DLGAP2: variants seen among roughly 807,000 people sequenced by gnomAD.
DLGAP2 encodes disks large-associated protein 2.
A neutral mutation model predicts 100.3 loss-of-function variants in DLGAP2; 26 were observed. The observed-to-expected ratio is 0.26, with a 90% confidence interval of 0.19 to 0.36. DLGAP2 has a LOEUF of 0.36. Ranked by LOEUF, DLGAP2 falls within the 10% of genes least tolerant of loss-of-function variation. The pLI, the probability that DLGAP2 is intolerant of heterozygous loss-of-function variation, is 1.00. For synonymous variants in DLGAP2, 886 were observed against 630.1 expected, an observed-to-expected ratio of 1.41 and a Z score of -6.08; for missense variants, 1,858 against 1,453.2, an observed-to-expected ratio of 1.28 and a Z score of -4.53.
chr8:1,549,322 G>C lies in DLGAP2; in HGVS notation c.869G>C (p.Arg290Pro). ...SKERKPEGKPRPGMSSWWSSD... is the reference protein window; with the variant it reads ...SKERKPEGKPPPGMSSWWSSD... ...GAGCGCAAGCCGGAGGGCAAGCCCC[G>C]GCCCGGCATGAGCAGCTGGTGGAGC... The change falls in exon 5 of 15, where the codon CGG (arginine) becomes CCG (proline). Residue 290 changes from arginine to proline, a missense_variant. Arg to Pro is a moderately radical substitution (Grantham distance 103). Transcript: ENST00000637795. The C allele has an allele frequency of 6.2e-7, 1 of 1,613,008 alleles. No homozygotes were observed. Among genetic ancestry groups the C allele is most frequent in the Non-Finnish European group, 8.5e-7 (1 of 1,179,684 alleles).
At chr8:1,524,797 G>A (rs1800734661) in intron 4 of DLGAP2, among the ~76,000 whole-genome samples, 1 of 152,106 alleles carries the variant, frequency 6.6e-6, no homozygotes, top group African/African-American at 2.4e-5. Context: ...GGCTTTCTGT[G>A]AACATCTCAG....
At chr8:756,013 T>C (rs1820910217) in intron 1 of DLGAP2, among the ~76,000 whole-genome samples, 1 of 152,210 alleles carries the variant, frequency 6.6e-6, no homozygotes. Flanking sequence ...GGGTCCTGTT[T>C]TAGGTTATAA....
chr8:998,788 C>T (rs1442102221), intron 2 of DLGAP2, among the ~76,000 whole-genome samples: 1 of 152,144 alleles, frequency 6.6e-6, no homozygotes, highest in Non-Finnish European at 1.5e-5. Flanking sequence ...TTCCTTGGAG[C>T]TTGAATATAC....
intron 3 of DLGAP2, among the ~76,000 whole-genome samples, chr8:1,343,792 G>A (rs942319051): frequency 7.2e-5 from 11 of 152,202 alleles, no homozygotes; most frequent in South Asian, 2.1e-4. Context: ...TGGGCTTCAC[G>A]CCTGCTGTGG....
intron 2 of DLGAP2, among the ~76,000 whole-genome samples, chr8:1,028,074 A>G (rs748317200): frequency 0.063 from 1,971 of 31,504 alleles, 1 homozygote; most frequent in Middle Eastern, 0.12. Flanking sequence ...TGGGGTGCCA[A>G]GCGCCCGTTA....
At chr8:1,588,263 G>T (rs912445976) in intron 6 of DLGAP2, among the ~76,000 whole-genome samples, 1 of 152,024 alleles carries the variant, frequency 6.6e-6, no homozygotes, top group African/African-American at 2.4e-5. Flanking sequence ...GCTATTGAAG[G>T]TGCGACCTTC....
chr8:879,270 T>C (rs1300743576), intron 1 of DLGAP2, among the ~76,000 whole-genome samples: 1 of 152,232 alleles, frequency 6.6e-6, no homozygotes, highest in Non-Finnish European at 1.5e-5. Context: ...ATTCACTCTC[T>C]GGGCAATAAT....
At chr8:1,443,305 C>G (rs529287633) in intron 3 of DLGAP2, among the ~76,000 whole-genome samples, 1 of 151,454 alleles carries the variant, frequency 6.6e-6, no homozygotes, top group Non-Finnish European at 1.5e-5. Context: ...CAGAGATAAT[C>G]GCGGGTAACA....
At chr8:780,375 C>T (rs1821651373) in intron 1 of DLGAP2, among the ~76,000 whole-genome samples, 1 of 152,204 alleles carries the variant, frequency 6.6e-6, no homozygotes, top group Admixed American at 6.5e-5. Flanking sequence ...CCACGTTTTC[C>T]TTATTCATCC....
chr8:1,081,454 C>T (rs182387423), intron 2 of DLGAP2, among the ~76,000 whole-genome samples: 1 of 152,162 alleles, frequency 6.6e-6, no homozygotes, highest in Non-Finnish European at 1.5e-5. Context: ...CAGGTTCAAG[C>T]GATTCTCCTG....
At chr8:1,127,901 T>G (rs1043529841) in intron 2 of DLGAP2, among the ~76,000 whole-genome samples, 1 of 152,234 alleles carries the variant, frequency 6.6e-6, no homozygotes, top group African/African-American at 2.4e-5. Context: ...AGATGCACTT[T>G]CCTATTCCGG....
At chr8:1,528,704 C>T (rs575917133) in intron 4 of DLGAP2, among the ~76,000 whole-genome samples, 58 of 152,278 alleles carry the variant, frequency 3.8e-4, no homozygotes, top group African/African-American at 1.3e-3. Flanking sequence ...ACCAGATGAC[C>T]GAGCTGAAAC....
intron 1 of DLGAP2, among the ~76,000 whole-genome samples, chr8:787,397 G>T (rs995466116): frequency 6.6e-6 from 1 of 152,238 alleles, no homozygotes; most frequent in Admixed American, 6.5e-5. Context: ...AGCCGAGGAA[G>T]GGTGGCCTCT....
chr8:1,117,108 C>T (rs2129046875), intron 2 of DLGAP2, among the ~76,000 whole-genome samples: 1 of 152,122 alleles, frequency 6.6e-6, no homozygotes, highest in Non-Finnish European at 1.5e-5. Context: ...TCCTTGGGAC[C>T]CAGCATCAAG....
In DLGAP2 at chr8:1,561,931, G is replaced by A. The variant is rs188376555; in HGVS notation, c.1231-3752G>A. Among the ~76,000 whole-genome samples, 55 of 57,648 alleles carry A rather than the reference G, an allele frequency of 9.5e-4. 8 individuals carry two copies. The highest frequency in any genetic ancestry group is 1.5e-3 in the Non-Finnish European group (47 of 31,212). 37.8% of individuals were successfully genotyped at this position (57,648 alleles called of 152,430 possible). ...TGTGGAGTTGGGGTGTCCGCGCCTC[G>A]TTGCTGCGGGACTGTGTGGTGTTGG... On this transcript the variant is annotated intron_variant, in intron 5 of 14. Coordinates refer to ENST00000637795, the MANE Select transcript of DLGAP2 (RefSeq NM_001346810.2).
At chr8:976,030 G>A (rs2129013168) in intron 2 of DLGAP2, among the ~76,000 whole-genome samples, 1 of 152,252 alleles carries the variant, frequency 6.6e-6, no homozygotes, top group Non-Finnish European at 1.5e-5. Context: ...ACAGAAGTCA[G>A]TTATTTTCCT....
At chr8:785,129 ATG>A (rs1821803783) in intron 1 of DLGAP2, among the ~76,000 whole-genome samples, 1 of 143,886 alleles carries the variant, frequency 6.9e-6, no homozygotes, top group Admixed American at 7.1e-5. Context: ...AGGCAGGAGA[ATG>A]GGGTGAACCT....
intron 2 of DLGAP2, among the ~76,000 whole-genome samples, chr8:1,171,601 CTCT>C (rs939444917): frequency 3.7e-4 from 56 of 152,300 alleles, no homozygotes; most frequent in African/African-American, 1.3e-3. Flanking sequence ...GGATACTTAG[CTCT>C]TCTTGTTGAA....
chr8:975,528 G>A (rs1379706598), intron 2 of DLGAP2, among the ~76,000 whole-genome samples: 10 of 152,066 alleles, frequency 6.6e-5, no homozygotes, highest in South Asian at 2.1e-4. Context: ...ATCTAACAAC[G>A]TATAAAAATA....
Sources: gnomAD v4.1 joint callset for allele counts (sites outside exome capture counted in the v4.1 genomes callset) on GRCh38, gnomAD v4.1.1 for gene constraint, MANE v1.5 for transcripts, NCBI Gene and HGNC (gene_info 2026-07-23, HGNC 2026-07-21) for gene names.